The following NRP2 variants were observed in gnomAD, a reference collection of about 807,000 sequenced individuals.
NRP2 encodes neuropilin 2.
In NRP2, 52 loss-of-function variants were observed where a neutral mutation model predicts 110.4. The ratio of observed to expected loss-of-function variants is 0.47; its 90% CI spans 0.38 to 0.59. NRP2 has a LOEUF of 0.59. Ranked by LOEUF, NRP2 falls within the 20% of genes least tolerant of loss-of-function variation. The pLI, the probability that NRP2 is intolerant of heterozygous loss-of-function variation, is 0.00. For missense variants in NRP2, 1,049 were observed against 1,203.0 expected, an observed-to-expected ratio of 0.87 and a Z score of 1.89; for synonymous variants, 508 against 468.9, an observed-to-expected ratio of 1.08 and a Z score of -1.08.
intron 12 of NRP2, among the ~76,000 whole-genome samples, chr2:205,759,141 A>G (rs2057782076): frequency 6.6e-6 from 1 of 152,192 alleles, no homozygotes; most frequent in South Asian, 2.1e-4. Context: ...TCAGTGGAAA[A>G]CCAACACTGC....
At chr2:205,689,292 C>T (rs2056251850) in intron 1 of NRP2, among the ~76,000 whole-genome samples, 1 of 152,198 alleles carries the variant, frequency 6.6e-6, no homozygotes, top group Non-Finnish European at 1.5e-5. Flanking sequence ...ATCCCAGTAT[C>T]CTGTGTGATC....
chr2:205,788,882 T>G (rs1326049685), intron 15 of NRP2, among the ~76,000 whole-genome samples: 1 of 152,232 alleles, frequency 6.6e-6, no homozygotes, highest in Non-Finnish European at 1.5e-5. Context: ...GGGCATGCAG[T>G]GAGCCCTCTT....
chr2:205,762,854 G>A (rs2057846749), intron 12 of NRP2, among the ~76,000 whole-genome samples: 1 of 152,168 alleles, frequency 6.6e-6, no homozygotes, highest in Non-Finnish European at 1.5e-5. Flanking sequence ...TGATGAATTT[G>A]AAACTAATCA....
At chr2:205,717,021 T>C (rs969216473) in intron 3 of NRP2, among the ~76,000 whole-genome samples, 7 of 152,216 alleles carry the variant, frequency 4.6e-5, no homozygotes, top group Non-Finnish European at 8.8e-5. Flanking sequence ...GACTGCTTGA[T>C]TTCCATCAGG....
chr2:205,697,497 A>T (rs2105888182), intron 1 of NRP2, 47 bp from the exon 2 acceptor site: 1 of 1,542,648 alleles, frequency 6.5e-7, no homozygotes, highest in Non-Finnish European at 9.0e-7. Flanking sequence ...GGGGGAAGAA[A>T]GTTGTAACAT....
At chr2:205,705,810 T>C (rs1051111832) in intron 2 of NRP2, among the ~76,000 whole-genome samples, 6 of 152,100 alleles carry the variant, frequency 3.9e-5, no homozygotes, top group Admixed American at 3.9e-4. Flanking sequence ...TCAATCTGCT[T>C]GGAGCTGTCA....
intron 16 of NRP2, among the ~76,000 whole-genome samples, chr2:205,793,454 G>A (rs377605769): frequency 5.9e-5 from 9 of 152,190 alleles, no homozygotes; most frequent in East Asian, 1.9e-4. Context: ...GTGTAGAAAC[G>A]TAATTAGATT....
chr2:205,699,571 A>T (rs1346691055), intron 2 of NRP2, among the ~76,000 whole-genome samples: 1 of 152,190 alleles, frequency 6.6e-6, no homozygotes, highest in Non-Finnish European at 1.5e-5. Context: ...GTTGGGAAGG[A>T]CGAAAGGCCA....
At chr2:205,722,393 G>A in intron 3 of NRP2, 85 bp from the exon 4 acceptor site, 3 of 1,134,740 alleles carry the variant, frequency 2.6e-6, no homozygotes, top group Non-Finnish European at 4.0e-6. Flanking sequence ...GGGGATTTGG[G>A]GCCAAACATT....
intron 16 of NRP2, among the ~76,000 whole-genome samples, chr2:205,794,057 C>G (rs1441511501): frequency 6.6e-6 from 1 of 152,054 alleles, no homozygotes; most frequent in African/African-American, 2.4e-5. Context: ...GTAAAGCCAC[C>G]CCAAAGGTGC....
rs754397242 is a variant in NRP2, at chr2:205,697,732, TC to T, written c.251+13del. The T allele has an allele frequency of 5.0e-6, 8 of 1,613,542 alleles. No homozygotes were observed. The highest frequency in any genetic ancestry group is 6.8e-6 in the Non-Finnish European group (8 of 1,179,782). On this transcript the variant is annotated intron_variant, in intron 2 of 16. Coordinates refer to ENST00000357785, the MANE Select transcript of NRP2 (RefSeq NM_003872.3). ...GAAGCACGACTGCAAGTAAGCACCG[TC>T]CTGTCCCACTGTGTATCCCATCCAT...
rs1349653135 is a variant in NRP2 at position 205,763,771 on chromosome 2, G to A, written c.2142G>A (p.Val714=). ...SPPVHLPRSP[V]CMEFQYQATG... Reference sequence around the variant, plus strand: ...CTGTCCACCTGCCCCGAAGCCCGGTGTGCATGGAGTTCCAGTACCAGGCCA... The same window carrying A: ...CTGTCCACCTGCCCCGAAGCCCGGTATGCATGGAGTTCCAGTACCAGGCCA... Residue 714 remains valine (V), a synonymous_variant, in exon 13 of 17, where the codon GTG becomes GTA. Transcript: ENST00000357785. The surrounding 1 kb of genome is among the most constrained non-coding windows in gnomAD (Gnocchi z 4.0). 25 of 1,614,116 alleles carry A rather than the reference G, an allele frequency of 1.5e-5. No individual in the cohort carries two copies. Among genetic ancestry groups the A allele is most frequent in the African/African-American group, 4.0e-5 (3 of 74,952 alleles).
chr2:205,776,442 C>T lies in NRP2; in HGVS notation c.2425+9639C>T. On this transcript the variant is annotated intron_variant, in intron 15 of 16. Transcript: ENST00000357785. ...CCGATCACTCCATCACCTACAAAAC[C>T]TCCCACTACACCAACGGGGCCCCTC... 2.5e-6 allele frequency: 4 copies of T among 1,613,372 alleles called. No individual in the cohort carries two copies. The Middle Eastern group carries it at 6.6e-4, about 266-fold the overall frequency.
intron 6 of NRP2, among the ~76,000 whole-genome samples, chr2:205,727,131 C>T (rs374393869): frequency 6.6e-6 from 1 of 152,312 alleles, no homozygotes; most frequent in East Asian, 1.9e-4. Flanking sequence ...TTTAGTAATG[C>T]TGAGCACATT....
At chr2:205,717,809 A>C (rs942053088) in intron 3 of NRP2, among the ~76,000 whole-genome samples, 2 of 152,268 alleles carry the variant, frequency 1.3e-5, no homozygotes, top group Admixed American at 6.5e-5. Context: ...GGAGAATAAA[A>C]GAGAAAGAAA....
intron 12 of NRP2, chr2:205,760,984 G>A (rs2057811554): frequency 6.6e-6 from 1 of 152,194 alleles, no homozygotes; most frequent in African/African-American, 2.4e-5. Flanking sequence ...GCAACAGTAA[G>A]GGCTTGGAAA....
At chr2:205,690,205 T>C (rs995530823) in intron 1 of NRP2, among the ~76,000 whole-genome samples, 3 of 152,042 alleles carry the variant, frequency 2.0e-5, no homozygotes, top group African/African-American at 7.2e-5. Context: ...ATAAAACAGA[T>C]GTTCCCCAAA....
intron 2 of NRP2, among the ~76,000 whole-genome samples, chr2:205,708,610 A>G (rs1464183981): frequency 6.6e-6 from 1 of 152,220 alleles, no homozygotes; most frequent in Non-Finnish European, 1.5e-5. Context: ...CCATCATCGC[A>G]GGGCCTTTGC....
At chr2:205,703,302 C>T (rs1365743041) in intron 2 of NRP2, among the ~76,000 whole-genome samples, 3 of 152,128 alleles carry the variant, frequency 2.0e-5, no homozygotes, top group Admixed American at 6.5e-5. Flanking sequence ...GGTAATAGAC[C>T]ATTCATTCAT....
Sources: allele counts gnomAD v4.1 joint callset (sites outside exome capture counted in the v4.1 genomes callset), GRCh38; gene constraint gnomAD v4.1.1; non-coding constraint Gnocchi (gnomAD v3.1); transcripts MANE v1.5; gene names NCBI Gene and HGNC (gene_info 2026-07-23, HGNC 2026-07-21).